The following ARPC2 variants were observed in gnomAD, a reference collection of about 807,000 sequenced individuals.
ARPC2 encodes actin related protein 2/3 complex subunit 2.
Under a neutral mutation model 38.6 loss-of-function variants are expected in ARPC2, and 4 were observed. That is an observed-to-expected ratio of 0.10 (90% CI 0.05 to 0.24). The LOEUF (loss-of-function observed/expected upper bound fraction) is 0.24, where lower values mean the gene tolerates loss of function less well. Ranked by LOEUF, ARPC2 falls within the 10% of genes least tolerant of loss-of-function variation. The probability of loss-of-function intolerance (pLI) is 1.00; values close to 1 mark genes in which losing one functional copy is unlikely to be tolerated. For synonymous variants in ARPC2, 125 were observed against 140.8 expected, an observed-to-expected ratio of 0.89 and a Z score of 0.79; for missense variants, 229 against 387.3, an observed-to-expected ratio of 0.59 and a Z score of 3.43.
intron 2 of ARPC2, among the ~76,000 whole-genome samples, chr2:218,217,870 G>A (rs528852276): frequency 6.6e-6 from 1 of 152,356 alleles, no homozygotes; most frequent in Admixed American, 6.5e-5. Context: ...GGGGCGAGAA[G>A]GGGACCCCTT....
intron 8 of ARPC2, among the ~76,000 whole-genome samples, 191 bp from the exon 9 acceptor site, chr2:218,249,173 C>T (rs1044223616): frequency 4.7e-4 from 71 of 152,164 alleles, no homozygotes; most frequent in Non-Finnish European, 6.5e-4. Context: ...CATTCACGCT[C>T]GTTGACACCT....
chr2:218,246,872 G>A (rs1690048891), intron 8 of ARPC2, among the ~76,000 whole-genome samples: 1 of 152,150 alleles, frequency 6.6e-6, no homozygotes, highest in Non-Finnish European at 1.5e-5. Context: ...CAGCTACTCG[G>A]GCAAGCGAGG....
At chr2:218,230,261 C>T (rs527771712) in intron 4 of ARPC2, among the ~76,000 whole-genome samples, 14 of 150,518 alleles carry the variant, frequency 9.3e-5, no homozygotes, top group South Asian at 8.4e-4. Flanking sequence ...TGTGAGCCAC[C>T]GTGCCCAGCC....
At chr2:218,240,627 G>T (rs1446193740) in intron 7 of ARPC2, among the ~76,000 whole-genome samples, 1 of 152,052 alleles carries the variant, frequency 6.6e-6, no homozygotes, top group Non-Finnish European at 1.5e-5. Context: ...CGCGGTGGCT[G>T]ACGCCTGTAA....
chr2:218,230,287 C>CTTTTTTTTTTTTTTTTTTTTTTTTT (rs768585570), intron 4 of ARPC2, among the ~76,000 whole-genome samples: 1 of 73,010 alleles, frequency 1.4e-5, no homozygotes, highest in Admixed American at 1.9e-4. Context: ...TTTTTTTTTT[C>CTTTTTTTTTTTTTTTTTTTTTTTTT]TTTTTTTTTT....
At chr2:218,241,622 A>G (rs1328524129) in intron 7 of ARPC2, among the ~76,000 whole-genome samples, 1 of 152,226 alleles carries the variant, frequency 6.6e-6, no homozygotes, top group Non-Finnish European at 1.5e-5. Context: ...ACTTATTTTT[A>G]TACTTTAAAC....
At chr2:218,222,457 A>G (rs1199863828) in intron 2 of ARPC2, among the ~76,000 whole-genome samples, 1 of 152,220 alleles carries the variant, frequency 6.6e-6, no homozygotes, top group Non-Finnish European at 1.5e-5. Context: ...TTTTAAGAAT[A>G]GCTCTTAAAA....
Position 218,254,132 on chromosome 2 carries a change from A to T in ARPC2, c.*217A>T. 1 of 531,202 alleles carries T rather than the reference A, an allele frequency of 1.9e-6. No individual in the cohort carries two copies. The allele number at this position is 531,202 out of a possible 1,614,324, so 32.9% of individuals were successfully genotyped here. A position where few individuals can be genotyped will look rare whatever the true frequency, so the allele number is the denominator to read the frequency against. On this transcript the variant is annotated 3_prime_UTR_variant, in exon 11 of 11. Transcript: ENST00000315717. ...TTAAAAAAAAAAAAAAAAGAATTCC[A>T]CTTGATCAACTTAATTCCTTTTCTT...
intron 2 of ARPC2, among the ~76,000 whole-genome samples, chr2:218,221,818 A>G (rs909525648): frequency 2.0e-5 from 3 of 152,154 alleles, no homozygotes; most frequent in Non-Finnish European, 4.4e-5. Flanking sequence ...ACCTAATATG[A>G]TCTATTTTTT....
At chr2:218,229,017 G>A (rs955603352) in intron 4 of ARPC2, 167 bp downstream of exon 4, 1 of 495,022 alleles carries the variant, frequency 2.0e-6, no homozygotes, top group Non-Finnish European at 3.6e-6. Flanking sequence ...TCCTAGAAAA[G>A]GTTTTGACTC....
rs1411482230 is a variant in ARPC2, at chr2:218,228,794, A to T, written c.166A>T (p.Met56Leu). Residue 56 changes from methionine to leucine, a missense_variant, in exon 4 of 11, where the codon ATG (methionine) becomes TTG (leucine). Physicochemically the swap from Met to Leu is conservative, Grantham distance 15 (BLOSUM62 2). Coordinates refer to ENST00000315717, the MANE Select transcript of ARPC2 (RefSeq NM_152862.3). ...TCCTAATGGAGACAAAACAAAAGTG[A>T]TGGTCAGTATTTCTTTGAAATTCTA... ...SNPNGDKTKVMVSISLKFYKE... is the reference protein window; with the variant it reads ...SNPNGDKTKVLVSISLKFYKE... 6.2e-7 allele frequency: 1 copy of T among 1,611,856 alleles called. No individual in the cohort carries two copies. Among genetic ancestry groups the T allele is most frequent in the African/African-American group, 1.3e-5 (1 of 74,878 alleles).
intron 8 of ARPC2, among the ~76,000 whole-genome samples, chr2:218,245,937 T>A (rs1384911923): frequency 1.3e-5 from 2 of 152,054 alleles, no homozygotes; most frequent in Admixed American, 1.3e-4. Flanking sequence ...CAGTTTTGGC[T>A]GGGCACGGTG....
At chr2:218,224,251 G>A (rs1168567072) in intron 2 of ARPC2, among the ~76,000 whole-genome samples, 1 of 152,136 alleles carries the variant, frequency 6.6e-6, no homozygotes, top group African/African-American at 2.4e-5. Context: ...TTTATTTATA[G>A]TTGGTTTTTC....
intron 7 of ARPC2, 67 bp downstream of exon 7, chr2:218,239,551 A>G (rs889263748): frequency 2.3e-6 from 3 of 1,284,584 alleles, no homozygotes; most frequent in Non-Finnish European, 3.4e-6. Flanking sequence ...CAAACATACC[A>G]TGAGCGTAGG....
intron 3 of ARPC2, among the ~76,000 whole-genome samples, chr2:218,226,426 G>A (rs1689498468): frequency 1.3e-5 from 2 of 151,534 alleles, no homozygotes; most frequent in Admixed American, 6.6e-5. Context: ...TCAGGAGATC[G>A]AGACTATCCT....
At chr2:218,250,440 G>A (rs1690158200) in intron 10 of ARPC2, among the ~76,000 whole-genome samples, 1 of 152,036 alleles carries the variant, frequency 6.6e-6, no homozygotes. Flanking sequence ...GAGATGGGTG[G>A]ATCACAGGGT....
rs780568820 is a variant in ARPC2 at position 218,239,383 on chromosome 2, C to G, written c.456-8C>G. ...TGTACTTATCCTCATGGATTTTGTT[C>G]CTCTCAGGTATGTTGAGTCTAAAAA... On this transcript the variant is annotated splice_polypyrimidine_tract_variant and splice_region_variant and intron_variant, in intron 6 of 10. Coordinates refer to ENST00000315717, the MANE Select transcript of ARPC2 (RefSeq NM_152862.3). 2 of 1,604,186 alleles carry G rather than the reference C, an allele frequency of 1.2e-6. No individual in the cohort carries two copies. Among genetic ancestry groups the G allele is most frequent in the Non-Finnish European group, 1.7e-6 (2 of 1,171,204 alleles).
intron 4 of ARPC2, among the ~76,000 whole-genome samples, chr2:218,230,989 A>G (rs1160400040): frequency 1.3e-5 from 2 of 152,196 alleles, no homozygotes; most frequent in Non-Finnish European, 2.9e-5. Flanking sequence ...TGTAGCTACC[A>G]CAAGGGTCAA....
chr2:218,223,045 A>G (rs1689419747), intron 2 of ARPC2, among the ~76,000 whole-genome samples: 1 of 152,228 alleles, frequency 6.6e-6, no homozygotes, highest in Non-Finnish European at 1.5e-5. Context: ...CAGCATATCT[A>G]TAACTTAAAA....
Sources: gnomAD v4.1 joint callset for allele counts (sites outside exome capture counted in the v4.1 genomes callset) on GRCh38, gnomAD v4.1.1 for gene constraint, MANE v1.5 for transcripts, NCBI Gene and HGNC (gene_info 2026-07-23, HGNC 2026-07-21) for gene names.